Variants in DPP10 observed in about 807,000 individuals in gnomAD.
The protein encoded by DPP10 is dipeptidyl peptidase like 10, also known as inactive dipeptidyl peptidase 10.
DPP10 carries 33 observed loss-of-function variants against 120.9 expected under a neutral mutation model. The ratio of observed to expected loss-of-function variants is 0.27; its 90% confidence interval spans 0.21 to 0.37. The LOEUF is 0.37. DPP10 is among the 10% of genes least tolerant of loss of function. The pLI is 1.00. For synonymous variants in DPP10, 337 were observed against 326.1 expected (o/e 1.03, Z -0.36); for missense variants, 816 against 942.8 (o/e 0.87, Z 1.76).
At chr2:114,755,025 TA>T (rs1257916826) in intron 1 of DPP10, among the ~76,000 whole-genome samples, 1 of 152,216 alleles carries the variant, frequency 6.6e-6, no homozygotes. Context: ...AACAACTTAA[TA>T]AAAACATGTA....
intron 5 of DPP10, among the ~76,000 whole-genome samples, chr2:115,538,070 A>C (rs1443843595): frequency 6.6e-6 from 1 of 151,724 alleles, no homozygotes; most frequent in Non-Finnish European, 1.5e-5. Flanking sequence ...CATCACTAGC[A>C]CTCTAGTGTG....
chr2:114,666,350 C>G, intron 1 of DPP10, among the ~76,000 whole-genome samples: 1 of 152,238 alleles, frequency 6.6e-6, no homozygotes. Flanking sequence ...ATTTCTAACA[C>G]TGATATAATA....
chr2:115,204,730 A>G (rs1275101881), intron 1 of DPP10, among the ~76,000 whole-genome samples: 1 of 152,166 alleles, frequency 6.6e-6, no homozygotes, highest in Non-Finnish European at 1.5e-5. Flanking sequence ...TCAGATAGTG[A>G]CAGCTCCTCC....
chr2:114,880,684 A>G (rs2106596602), intron 1 of DPP10, among the ~76,000 whole-genome samples: 1 of 152,286 alleles, frequency 6.6e-6, no homozygotes, highest in East Asian at 1.9e-4. Flanking sequence ...AAATACAAAT[A>G]TATAAAATGG....
chr2:115,294,782 A>C (rs536835040), intron 1 of DPP10, among the ~76,000 whole-genome samples: 1 of 152,088 alleles, frequency 6.6e-6, no homozygotes. Flanking sequence ...AATAAGTATC[A>C]CTACAAAATG....
At chr2:114,697,764 A>AT (rs1305476503) in intron 1 of DPP10, among the ~76,000 whole-genome samples, 1 of 151,538 alleles carries the variant, frequency 6.6e-6, no homozygotes, top group South Asian at 2.1e-4. Flanking sequence ...AAAAAAAAAA[A>AT]AAAAGACTAG....
intron 1 of DPP10, among the ~76,000 whole-genome samples, chr2:115,259,324 A>C (rs1360755917): frequency 6.6e-6 from 1 of 152,130 alleles, no homozygotes; most frequent in Non-Finnish European, 1.5e-5. Flanking sequence ...TCTACTAAAA[A>C]TGCAAAAAAA....
chr2:114,729,051 G>C (rs998106424), intron 1 of DPP10, among the ~76,000 whole-genome samples: 2 of 152,210 alleles, frequency 1.3e-5, no homozygotes, highest in Non-Finnish European at 2.9e-5. Flanking sequence ...ATAAAATGCT[G>C]AGCGGCTGTG....
chr2:114,881,756 G>C (rs1203911796), intron 1 of DPP10, among the ~76,000 whole-genome samples: 2 of 152,104 alleles, frequency 1.3e-5, no homozygotes, highest in Non-Finnish European at 2.9e-5. Context: ...GAAACAAGTT[G>C]TTTGCATCAT....
At chr2:115,161,764 G>A (rs1256200138) in intron 1 of DPP10, 1 of 487,858 alleles carries the variant, frequency 2.0e-6, no homozygotes, top group Non-Finnish European at 3.4e-6. Context: ...CGGTGGCCGA[G>A]GGAGGGACCC....
intron 1 of DPP10, among the ~76,000 whole-genome samples, chr2:114,944,293 T>A (rs1697191697): frequency 6.6e-6 from 1 of 152,148 alleles, no homozygotes; most frequent in African/African-American, 2.4e-5. Flanking sequence ...ACAACAGTAG[T>A]GTATATAGAT....
intron 1 of DPP10, among the ~76,000 whole-genome samples, chr2:114,570,836 T>TA (rs58796386): frequency 0.037 from 2,128 of 57,854 alleles, 71 homozygotes; most frequent in African/African-American, 0.077. Flanking sequence ...CTGTCTCAAA[T>TA]AAAAAAAAAA....
chr2:115,604,620 T>G (rs2083575856), intron 5 of DPP10, among the ~76,000 whole-genome samples: 1 of 152,208 alleles, frequency 6.6e-6, no homozygotes, highest in Non-Finnish European at 1.5e-5. Context: ...CTTCTTCACC[T>G]AAATCCAATT....
chr2:114,756,372 G>A (rs185762687), intron 1 of DPP10, among the ~76,000 whole-genome samples: 116 of 152,290 alleles, frequency 7.6e-4, no homozygotes, highest in African/African-American at 2.6e-3. Flanking sequence ...AGACCCCAGG[G>A]AATCATGGAG....
chr2:115,453,237 T>C (rs1227721017), intron 3 of DPP10, among the ~76,000 whole-genome samples: 1 of 151,548 alleles, frequency 6.6e-6, no homozygotes, highest in Admixed American at 6.6e-5. Context: ...CAAATTCTTC[T>C]TAAGTGTTTA....
intron 4 of DPP10, among the ~76,000 whole-genome samples, chr2:115,525,574 A>G (rs757585619): frequency 6.6e-6 from 1 of 152,114 alleles, no homozygotes; most frequent in Non-Finnish European, 1.5e-5. Context: ...CATGCAAATT[A>G]TAAAAGCATT....
intron 1 of DPP10, among the ~76,000 whole-genome samples, chr2:114,679,057 A>G (rs1573950437): frequency 6.6e-6 from 1 of 152,064 alleles, no homozygotes; most frequent in South Asian, 2.1e-4. Context: ...AGCAGTCGCC[A>G]TTCCAATATT....
intron 1 of DPP10, among the ~76,000 whole-genome samples, chr2:114,466,607 C>G (rs1679401995): frequency 6.6e-6 from 1 of 152,062 alleles, no homozygotes; most frequent in African/African-American, 2.4e-5. Flanking sequence ...GTACCTAACT[C>G]CAAAAGTACT....
intron 1 of DPP10, among the ~76,000 whole-genome samples, chr2:114,826,544 T>C (rs1341447200): frequency 1.3e-5 from 2 of 152,188 alleles, no homozygotes; most frequent in Non-Finnish European, 2.9e-5. Flanking sequence ...ATTTTTTATT[T>C]TTTTTGAGAT....
Sources: allele counts gnomAD v4.1 joint callset (sites outside exome capture counted in the v4.1 genomes callset), GRCh38; gene constraint gnomAD v4.1.1; transcripts MANE v1.5; gene names NCBI Gene and HGNC (gene_info 2026-07-23, HGNC 2026-07-21).